IQGAP2: variants seen among roughly 807,000 people sequenced by gnomAD.
The protein encoded by IQGAP2 is IQ motif containing GTPase activating protein 2, also known as ras GTPase-activating-like protein IQGAP2.
IQGAP2 carries 173 observed loss-of-function variants against 201.3 expected under a neutral mutation model. The ratio of observed to expected loss-of-function variants is 0.86; its 90% CI spans 0.76 to 0.98. The LOEUF is 0.98. Ranked by LOEUF, IQGAP2 falls within the 50% of genes least tolerant of loss-of-function variation. The pLI, the probability that IQGAP2 is intolerant of heterozygous loss-of-function variation, is 0.00. For synonymous variants in IQGAP2, 675 were observed against 673.9 expected, an observed-to-expected ratio of 1.00 and a Z score of -0.03; for missense variants, 1,687 against 1,864.8, an observed-to-expected ratio of 0.90 and a Z score of 1.76.
chr5:76,617,743 TA>T (rs1749128749), intron 13 of IQGAP2: 8 of 1,613,898 alleles, frequency 5.0e-6, no homozygotes, highest in Non-Finnish European at 6.8e-6. Context: ...TGGTGAATAA[TA>T]AGAATAATAT....
chr5:76,606,329 T>C, intron 12 of IQGAP2, 26 bp downstream of exon 12: 1 of 1,546,272 alleles, frequency 6.5e-7, no homozygotes. Flanking sequence ...TTTCCTTCTC[T>C]AGCATAGTGG....
intron 2 of IQGAP2, among the ~76,000 whole-genome samples, chr5:76,524,875 G>A (rs1351999423): frequency 6.6e-6 from 1 of 152,178 alleles, no homozygotes; most frequent in Non-Finnish European, 1.5e-5. Context: ...ACTCTTCTAT[G>A]TGTTTATAGT....
At chr5:76,596,878 T>C (rs1161507960) in intron 9 of IQGAP2, among the ~76,000 whole-genome samples, 1 of 152,212 alleles carries the variant, frequency 6.6e-6, no homozygotes. Flanking sequence ...TTTATGGTTG[T>C]CTCAGATGTT....
intron 2 of IQGAP2, among the ~76,000 whole-genome samples, chr5:76,562,071 G>T (rs1744411975): frequency 6.6e-6 from 1 of 152,194 alleles, no homozygotes; most frequent in Admixed American, 6.5e-5. Context: ...ATGTCAGCAG[G>T]ACTAATTCCA....
intron 2 of IQGAP2, among the ~76,000 whole-genome samples, chr5:76,542,171 A>G (rs1742821487): frequency 6.6e-6 from 1 of 152,122 alleles, no homozygotes; most frequent in Non-Finnish European, 1.5e-5. Context: ...AAATTGATAG[A>G]GATGGTGTCA....
chr5:76,666,826 C>G (rs1271031794), intron 22 of IQGAP2, among the ~76,000 whole-genome samples: 1 of 152,172 alleles, frequency 6.6e-6, no homozygotes, highest in Non-Finnish European at 1.5e-5. Flanking sequence ...TCACTGCAGC[C>G]TTCATCTCCT....
At chr5:76,517,604 CAAAAAAAA>C (rs36102224) in intron 2 of IQGAP2, among the ~76,000 whole-genome samples, 3 of 83,312 alleles carry the variant, frequency 3.6e-5, no homozygotes, top group East Asian at 4.4e-4. Flanking sequence ...GACCCTGTTT[CAAAAAAAA>C]AAAAAAAAAA....
chr5:76,619,366 C>T (rs568751499), intron 13 of IQGAP2, among the ~76,000 whole-genome samples: 142 of 152,216 alleles, frequency 9.3e-4, no homozygotes, highest in African/African-American at 3.2e-3. Context: ...TGGGATTGCA[C>T]ACACAATTTT....
intron 2 of IQGAP2, among the ~76,000 whole-genome samples, chr5:76,520,873 A>G (rs1758642591): frequency 1.3e-5 from 2 of 151,090 alleles, no homozygotes; most frequent in Non-Finnish European, 3.0e-5. Flanking sequence ...ATGCCCGGCT[A>G]ATTTTTTGTA....
At chr5:76,689,516 C>T (rs1054534233) in intron 30 of IQGAP2, among the ~76,000 whole-genome samples, 1 of 152,092 alleles carries the variant, frequency 6.6e-6, no homozygotes, top group Non-Finnish European at 1.5e-5. Context: ...ATATGTGATC[C>T]TTATGGCCTT....
intron 2 of IQGAP2, among the ~76,000 whole-genome samples, chr5:76,543,545 T>G (rs189203052): frequency 1.3e-5 from 2 of 152,204 alleles, no homozygotes; most frequent in African/African-American, 4.8e-5. Context: ...GGGAACCTCG[T>G]TGTCACCAAG....
chr5:76,703,287 C>T (rs1003498036), intron 35 of IQGAP2, among the ~76,000 whole-genome samples: 4 of 152,098 alleles, frequency 2.6e-5, no homozygotes, highest in African/African-American at 9.7e-5. Flanking sequence ...TCTCGAGTAA[C>T]TGGTACTACA....
chr5:76,603,622 C>A (rs956939192), intron 11 of IQGAP2, among the ~76,000 whole-genome samples: 1 of 152,144 alleles, frequency 6.6e-6, no homozygotes, highest in African/African-American at 2.4e-5. Flanking sequence ...TGCTTTTATA[C>A]CTTTTTGGAA....
At chr5:76,450,708 G>C (rs1753687206) in intron 1 of IQGAP2, among the ~76,000 whole-genome samples, 1 of 152,086 alleles carries the variant, frequency 6.6e-6, no homozygotes, top group Admixed American at 6.5e-5. Flanking sequence ...TCATGAGTCT[G>C]GTCTCCTTAC....
chr5:76,480,731 A>G lies in IQGAP2; in HGVS notation c.146+19062A>G, dbSNP rs113297072. 8.7e-3 allele frequency among the ~76,000 whole-genome samples: 1,319 copies of G among 152,336 alleles called. 22 individuals carry two copies. Among genetic ancestry groups the G allele is most frequent in the African/African-American group, 0.03 (1,254 of 41,574 alleles). On this transcript the variant is annotated intron_variant, in intron 2 of 35. Transcript: ENST00000274364. The stretch of plus-strand genomic sequence containing the variant: ...TGCAGGGGGAAAGAAGTGAGTTGTC[A>G]TGTAAATGAAATAATGGTGTACCTT...
At chr5:76,654,342 C>A in intron 19 of IQGAP2, 71 bp downstream of exon 19, 1 of 987,622 alleles carries the variant, frequency 1.0e-6, no homozygotes, top group South Asian at 1.4e-5. Flanking sequence ...TGAAAGTTAG[C>A]ATTGAATGAT....
At chr5:76,524,653 G>A (rs1758868507) in intron 2 of IQGAP2, among the ~76,000 whole-genome samples, 2 of 152,170 alleles carry the variant, frequency 1.3e-5, no homozygotes, top group African/African-American at 2.4e-5. Flanking sequence ...AGGAAGAAAT[G>A]ATATCATGGC....
chr5:76,594,467 G>A (rs1281425415), intron 9 of IQGAP2, among the ~76,000 whole-genome samples: 1 of 152,056 alleles, frequency 6.6e-6, no homozygotes, highest in Non-Finnish European at 1.5e-5. Context: ...TAAGTAAAAG[G>A]CATTGGATGT....
At chr5:76,618,706 T>C in intron 13 of IQGAP2, 1 of 1,308,990 alleles carries the variant, frequency 7.6e-7, no homozygotes, top group Middle Eastern at 1.9e-4. Flanking sequence ...TGTGTTTAAT[T>C]ATTTGTAAAT....
Sources: gnomAD v4.1 joint callset for allele counts (sites outside exome capture counted in the v4.1 genomes callset) on GRCh38, gnomAD v4.1.1 for gene constraint, MANE v1.5 for transcripts, NCBI Gene and HGNC (gene_info 2026-07-23, HGNC 2026-07-21) for gene names.